The following TRPM6 variants were observed in gnomAD, a reference collection of about 807,000 sequenced individuals.
The protein encoded by TRPM6 is channel kinase 2.
Under a neutral mutation model 247.6 loss-of-function variants are expected in TRPM6, and 111 were observed. That is an observed-to-expected ratio of 0.45 (90% CI 0.38 to 0.52). The LOEUF (loss-of-function observed/expected upper bound fraction) is 0.52, where lower values mean the gene tolerates loss of function less well. Among genes scored for constraint, TRPM6 ranks in the 20% least tolerant of loss-of-function variants. The pLI is 0.00. For synonymous variants in TRPM6, 892 were observed against 853.8 expected (o/e 1.04, Z -0.78); for missense variants, 2,126 against 2,421.5 (o/e 0.88, Z 2.56).
intron 23 of TRPM6, among the ~76,000 whole-genome samples, chr9:74,781,157 C>T (rs563631488): frequency 5.3e-5 from 8 of 151,944 alleles, no homozygotes; most frequent in Admixed American, 3.3e-4. Context: ...GAGGCAGGTC[C>T]GGGCTCAGGG....
intron 26 of TRPM6, 70 bp downstream of exon 26, chr9:74,761,929 A>C: frequency 6.4e-7 from 1 of 1,557,436 alleles, no homozygotes; most frequent in Non-Finnish European, 8.8e-7. Flanking sequence ...AGATTTAAAA[A>C]ACAAAACAAA....
At chr9:74,868,275 A>T (rs1275650193) in intron 1 of TRPM6, among the ~76,000 whole-genome samples, 1 of 151,906 alleles carries the variant, frequency 6.6e-6, no homozygotes, top group Non-Finnish European at 1.5e-5. Flanking sequence ...CAGGTGGATC[A>T]CCTGAGGTCA....
chr9:74,745,132 C>T (rs570932237), intron 31 of TRPM6, among the ~76,000 whole-genome samples: 25 of 152,244 alleles, frequency 1.6e-4, no homozygotes, highest in African/African-American at 4.6e-4. Flanking sequence ...AAGTAATATA[C>T]GTAATAAAGG....
At chr9:74,782,052 T>C (rs1827480148) in intron 23 of TRPM6, among the ~76,000 whole-genome samples, 1 of 152,150 alleles carries the variant, frequency 6.6e-6, no homozygotes, top group Admixed American at 6.6e-5. Context: ...CAGGAGGATG[T>C]GCCTAGGTTA....
intron 4 of TRPM6, 27 bp from the exon 5 acceptor site, chr9:74,840,264 C>T (rs1022814026): frequency 6.5e-7 from 1 of 1,533,598 alleles, no homozygotes. Flanking sequence ...TGTAGGTGAA[C>T]AGAACATTGT....
At chr9:74,854,968 T>C (rs4431653) in intron 3 of TRPM6, among the ~76,000 whole-genome samples, 110,353 of 152,162 alleles carry the variant, frequency 0.73, 40,614 homozygotes, top group African/African-American at 0.85. Context: ...TGTGAGTGAC[T>C]GTGCCTAGTC....
rs1011638800 is a variant in TRPM6, at chr9:74,844,720, C to T, written c.153-2377G>A. ...ATCATTTGTGTGTTCACTGGAGTAG[C>T]ACTTATAATTTCCATCAAGCACCTT... On this transcript the variant is annotated intron_variant, in intron 3 of 38. Transcript: ENST00000360774. 3.3e-5 allele frequency among the ~76,000 whole-genome samples: 5 copies of T among 152,174 alleles called. No homozygotes were observed. The South Asian group carries it at 1.0e-3, about 31-fold the overall frequency.
chr9:74,821,647 A>G (rs1829131144), intron 8 of TRPM6, 22 bp downstream of exon 8: 1 of 1,614,202 alleles, frequency 6.2e-7, no homozygotes, highest in Non-Finnish European at 8.5e-7. Flanking sequence ...ATAGTTTCAA[A>G]AAAGAAGAGC....
chr9:74,809,690 A>T (rs1828656063), intron 13 of TRPM6, among the ~76,000 whole-genome samples: 1 of 152,296 alleles, frequency 6.6e-6, no homozygotes, highest in Middle Eastern at 3.4e-3. Flanking sequence ...TAATTTGCCA[A>T]GGAATAGGTG....
chr9:74,849,119 G>A (rs1047636250), intron 3 of TRPM6, among the ~76,000 whole-genome samples: 11 of 152,152 alleles, frequency 7.2e-5, no homozygotes, highest in African/African-American at 1.9e-4. Flanking sequence ...GGAGGCCGAG[G>A]TGGGCAGATC....
intron 1 of TRPM6, among the ~76,000 whole-genome samples, chr9:74,862,929 C>T (rs145192419): frequency 0.025 from 3,658 of 148,788 alleles, 139 homozygotes; most frequent in African/African-American, 0.082. Flanking sequence ...TGCAGTGAGC[C>T]GAGATCATGC....
At chr9:74,796,294 T>C (rs1314691859) in intron 18 of TRPM6, among the ~76,000 whole-genome samples, 1 of 152,248 alleles carries the variant, frequency 6.6e-6, no homozygotes, top group Non-Finnish European at 1.5e-5. Context: ...ATTGTGGATA[T>C]TCTGATTGTA....
rs772847325 is a variant in TRPM6, at chr9:74,801,891, C to T, written c.2009+7G>A. 5 of 1,614,034 alleles carry T rather than the reference C, an allele frequency of 3.1e-6. No individual in the cohort carries two copies. The South Asian group carries it at 3.3e-5, about 11-fold the overall frequency. On this transcript the variant is annotated splice_region_variant and intron_variant, in intron 16 of 38. Coordinates refer to ENST00000360774, the MANE Select transcript of TRPM6 (RefSeq NM_017662.5). The stretch of plus-strand genomic sequence containing the variant: ...TGTTTAGTATGAAGTGAAGAGAGAA[C>T]ACTTACTTTGAGTAATTCTTCAACT...
At chr9:74,816,532 TAGCTATCCCAGCTACAG>T in intron 11 of TRPM6, 120 bp downstream of exon 11, 2 of 705,418 alleles carry the variant, frequency 2.8e-6, no homozygotes, top group South Asian at 3.3e-5. Context: ...AAAAGTGTCT[TAGCTATCCCAGCTACAG>T]AGATGCTACC....
chr9:74,774,368 C>G (rs560925670), intron 24 of TRPM6, among the ~76,000 whole-genome samples: 16 of 152,252 alleles, frequency 1.1e-4, no homozygotes, highest in African/African-American at 3.9e-4. Context: ...TGGGACGTCT[C>G]TCTATTAGCG....
At chr9:74,755,230 G>A (rs1257537148) in intron 28 of TRPM6, 123 bp downstream of exon 28, 1 of 1,070,366 alleles carries the variant, frequency 9.3e-7, no homozygotes, top group Non-Finnish European at 1.4e-6. Flanking sequence ...ACAGAGTGTA[G>A]CCATCTTCTC....
chr9:74,753,720 T>A (rs999941854), intron 28 of TRPM6, among the ~76,000 whole-genome samples: 1 of 152,108 alleles, frequency 6.6e-6, no homozygotes, highest in African/African-American at 2.4e-5. Flanking sequence ...AGAGAGAGAA[T>A]GCTACCTGAC....
intron 20 of TRPM6, among the ~76,000 whole-genome samples, chr9:74,786,667 G>A (rs1827684751): frequency 6.6e-6 from 1 of 152,074 alleles, no homozygotes; most frequent in Admixed American, 6.5e-5. Context: ...ATGAACCCGG[G>A]AGGCGGAGCT....
intron 3 of TRPM6, among the ~76,000 whole-genome samples, chr9:74,846,200 A>T (rs1830102375): frequency 6.6e-6 from 1 of 152,220 alleles, no homozygotes; most frequent in South Asian, 2.1e-4. Context: ...CCTAGATATT[A>T]AATTTCTGTT....
Sources: gnomAD v4.1 joint callset for allele counts (sites outside exome capture counted in the v4.1 genomes callset) on GRCh38, gnomAD v4.1.1 for gene constraint, MANE v1.5 for transcripts, NCBI Gene and HGNC (gene_info 2026-07-23, HGNC 2026-07-21) for gene names.